BTAF1: variants seen among roughly 807,000 people sequenced by gnomAD.
BTAF1 encodes B-TFIID TATA-box binding protein associated factor 1, also known as TATA-binding protein-associated factor 172.
BTAF1 carries 38 observed loss-of-function variants against 227.1 expected under a neutral mutation model. That is an observed-to-expected ratio of 0.17 (90% CI 0.13 to 0.22). The LOEUF (loss-of-function observed/expected upper bound fraction) is 0.22, where lower values mean the gene tolerates loss of function less well. Ranked by LOEUF, BTAF1 falls within the 10% of genes least tolerant of loss-of-function variation. BTAF1 has a pLI of 1.00. For missense variants in BTAF1, 1,598 were observed against 2,204.0 expected, an observed-to-expected ratio of 0.73 and a Z score of 5.51; for synonymous variants, 742 against 751.9, an observed-to-expected ratio of 0.99 and a Z score of 0.21.
At chr10:91,963,346 G>T (rs1489225426) in intron 12 of BTAF1, among the ~76,000 whole-genome samples, 1 of 151,390 alleles carries the variant, frequency 6.6e-6, no homozygotes, top group Non-Finnish European at 1.5e-5. Flanking sequence ...GTGAACCCGG[G>T]AGGCAGAGCT....
chr10:91,937,333 A>G (rs1244485103), intron 2 of BTAF1, among the ~76,000 whole-genome samples: 40 of 152,114 alleles, frequency 2.6e-4, no homozygotes, highest in Admixed American at 2.6e-3. Flanking sequence ...TATAATTTAC[A>G]TACCATGAGT....
In BTAF1 at chr10:91,935,763, A is replaced by C. The variant is rs769162033; in HGVS notation, c.121A>C (p.Asn41His). 1.9e-6 allele frequency: 3 copies of C among 1,610,924 alleles called. No homozygotes were observed. The highest frequency in any genetic ancestry group is 1.7e-5 in the Admixed American group (1 of 59,848). Residue 41 changes from asparagine to histidine, a missense_variant, in exon 2 of 38, where the codon AAT (asparagine) becomes CAT (histidine). By Grantham distance (68) the Asn-to-His change is moderately conservative (BLOSUM62 1). This residue lies in a region of BTAF1 where 298 missense variants were observed against 395.2 expected (regional missense o/e 0.75). Transcript: ENST00000265990. ...EVVKLHPHEL[N>H]NLLSKVLIYL... ...GGTGAAGCTTCATCCCCATGAACTA[A>C]ATAATCTCCTGTCTAAAGTAAGAAC...
chr10:91,950,596 T>C (rs1195904939), intron 4 of BTAF1, among the ~76,000 whole-genome samples: 2 of 152,158 alleles, frequency 1.3e-5, no homozygotes, highest in Admixed American at 6.5e-5. Flanking sequence ...CACCGAAGGA[T>C]TGAGGGTTTT....
chr10:91,982,125 AAAG>A lies in BTAF1; in HGVS notation c.1952_1954del (p.Glu651del). The A allele has an allele frequency of 6.2e-7, 1 of 1,613,932 alleles. No individual in the cohort carries two copies. Among genetic ancestry groups the A allele is most frequent in the Non-Finnish European group, 8.5e-7 (1 of 1,179,882 alleles). On this transcript the variant is annotated inframe_deletion, in exon 17 of 38. Coordinates refer to ENST00000265990, the MANE Select transcript of BTAF1 (RefSeq NM_003972.3). ...GGTGCGCCAAGGCCAAAGCCAGAAT[AAAG>A]AAGTACTTCAGGAGTATATTGCAGG...
At chr10:92,021,766 G>A (rs1330837375) in intron 34 of BTAF1, among the ~76,000 whole-genome samples, 1 of 151,896 alleles carries the variant, frequency 6.6e-6, no homozygotes, top group Admixed American at 6.6e-5. Context: ...GGATGGTCTC[G>A]CTCTCCTGAC....
At chr10:92,009,544 C>T (rs971172157) in intron 28 of BTAF1, among the ~76,000 whole-genome samples, 1 of 152,192 alleles carries the variant, frequency 6.6e-6, no homozygotes, top group African/African-American at 2.4e-5. Context: ...TTCCTGAGAG[C>T]TCTCCTTTGA....
At position 91,994,548 on chromosome 10, in the gene BTAF1, C is replaced by G. The variant is rs1198647106; in HGVS notation, c.3213C>G (p.Leu1071=). Reference sequence around the variant, plus strand: ...ATATTTTAACAGATGGAAAATCCCTCCTGGATAAGGGAGATAGCCCTGCTC... The same window carrying G: ...ATATTTTAACAGATGGAAAATCCCTGCTGGATAAGGGAGATAGCCCTGCTC... ...IDINNFDGKS[L]LDKGDSPAQE... The change falls in exon 23 of 38, where the codon CTC becomes CTG. Residue 1071 remains leucine, a synonymous_variant. Transcript: ENST00000265990. 1 of 1,611,456 alleles carries G rather than the reference C, an allele frequency of 6.2e-7. No individual in the cohort carries two copies. The highest frequency in any genetic ancestry group is 1.7e-5 in the Admixed American group (1 of 59,744).
At chr10:91,978,108 A>T (rs1847812437) in intron 14 of BTAF1, among the ~76,000 whole-genome samples, 1 of 152,212 alleles carries the variant, frequency 6.6e-6, no homozygotes, top group South Asian at 2.1e-4. Flanking sequence ...TGTATCCACA[A>T]TTACAGTATC....
intron 2 of BTAF1, among the ~76,000 whole-genome samples, chr10:91,936,367 A>G (rs1435422371): frequency 8.0e-6 from 1 of 125,666 alleles, no homozygotes; most frequent in African/African-American, 3.5e-5. Context: ...TGCTTTGTAT[A>G]GGAGGAGGGG....
At chr10:91,994,450 T>A (rs1849003657) in intron 22 of BTAF1, 85 bp from the exon 23 acceptor site, 1 of 927,154 alleles carries the variant, frequency 1.1e-6, no homozygotes, top group Non-Finnish European at 1.7e-6. Flanking sequence ...TCTCCTATGC[T>A]AGCTGAAAAA....
chr10:91,941,426 TAAAC>T (rs1844990955), intron 3 of BTAF1, among the ~76,000 whole-genome samples: 1 of 152,248 alleles, frequency 6.6e-6, no homozygotes, highest in South Asian at 2.1e-4. Context: ...AGATGCCAGC[TAAAC>T]AAACTATTAA....
chr10:91,948,662 G>A (rs1845553610), intron 4 of BTAF1, among the ~76,000 whole-genome samples: 1 of 150,178 alleles, frequency 6.7e-6, no homozygotes, highest in Non-Finnish European at 1.5e-5. Flanking sequence ...GATTACAGGT[G>A]TGAGCCACTA....
chr10:92,003,238 A>G (rs1259374836), intron 25 of BTAF1, among the ~76,000 whole-genome samples: 1 of 152,088 alleles, frequency 6.6e-6, no homozygotes, highest in Non-Finnish European at 1.5e-5. Flanking sequence ...TCATACAGTC[A>G]TCATTTTTTT....
intron 14 of BTAF1, among the ~76,000 whole-genome samples, chr10:91,967,852 T>G (rs1416252568): frequency 6.6e-6 from 1 of 152,188 alleles, no homozygotes; most frequent in Non-Finnish European, 1.5e-5. Flanking sequence ...TTTTTTATCT[T>G]CATATCATTC....
At chr10:91,989,033 AAT>A in intron 19 of BTAF1, 119 bp from the exon 20 acceptor site, 1 of 819,274 alleles carries the variant, frequency 1.2e-6, no homozygotes, top group Admixed American at 3.0e-5. Flanking sequence ...GTACTAAAAC[AAT>A]ATTACATATT....
intron 4 of BTAF1, among the ~76,000 whole-genome samples, 163 bp downstream of exon 4, chr10:91,942,731 G>C (rs957541039): frequency 6.6e-6 from 1 of 152,182 alleles, no homozygotes; most frequent in Admixed American, 6.5e-5. Context: ...AGGTAACCCA[G>C]CAGTATTTGG....
intron 23 of BTAF1, among the ~76,000 whole-genome samples, chr10:91,996,165 C>G (rs1164704264): frequency 6.6e-6 from 1 of 151,814 alleles, no homozygotes; most frequent in Non-Finnish European, 1.5e-5. Flanking sequence ...TTTTTCCCTT[C>G]TTTTTGAAAG....
At position 91,959,457 on chromosome 10, in the gene BTAF1, C is replaced by A. The variant is rs527264436; in HGVS notation, c.990+303C>A. The stretch of plus-strand genomic sequence containing the variant: ...CCTTAAGTAATTAGTTTCTTAATTT[C>A]TCTTGGAGTGCGAGTAACATAATAC... On this transcript the variant is annotated intron_variant, in intron 9 of 37. Transcript: ENST00000265990. Among the ~76,000 whole-genome samples, 6 of 151,986 alleles carry A rather than the reference C, an allele frequency of 3.9e-5. No homozygotes were observed. In the South Asian group the frequency reaches 6.3e-4, roughly 16 times the overall value.
At chr10:92,020,113 C>G (rs1001755705) in intron 34 of BTAF1, among the ~76,000 whole-genome samples, 1 of 148,726 alleles carries the variant, frequency 6.7e-6, no homozygotes, top group South Asian at 2.2e-4. Flanking sequence ...CTTTTTACTT[C>G]TTGATAATGT....
Sources: allele counts gnomAD v4.1 joint callset (sites outside exome capture counted in the v4.1 genomes callset), GRCh38; gene constraint gnomAD v4.1.1; regional missense constraint gnomAD v4.1.1; transcripts MANE v1.5; gene names NCBI Gene and HGNC (gene_info 2026-07-23, HGNC 2026-07-21).